Variants in CD300LG observed in about 807,000 individuals in gnomAD.
CD300LG encodes CMRF35-like molecule 9.
CD300LG carries 29 observed loss-of-function variants against 31.5 expected under a neutral mutation model. That is an observed-to-expected ratio of 0.92 (90% CI 0.68 to 1.25). The LOEUF is 1.25. Among genes scored for constraint, CD300LG ranks in the 50% most tolerant of loss-of-function variants. The pLI, the probability that CD300LG is intolerant of heterozygous loss-of-function variation, is 0.00. For synonymous variants in CD300LG, 175 were observed against 177.2 expected (o/e 0.99, Z 0.10); for missense variants, 396 against 417.6 (o/e 0.95, Z 0.45).
rs745681336 is a variant in CD300LG, at chr17:43,855,283, G to A, written c.796G>A (p.Ala266Thr). The part of the protein sequence containing the change: ...LSLLSAAGLI[A>T]FCSHLLLWRK... The stretch of plus-strand genomic sequence containing the variant: ...CCTTCTGTCAGCCGCAGGCCTGATC[G>A]CCTTCTGCAGCCACCTGCTCCTGTG... Residue 266 changes from alanine (A) to threonine (T), a missense_variant, in exon 5 of 7, where the codon GCC (alanine) becomes ACC (threonine). Coordinates refer to ENST00000317310, the MANE Select transcript of CD300LG (RefSeq NM_145273.4). 8 of 1,601,878 alleles carry A rather than the reference G, an allele frequency of 5.0e-6. No homozygotes were observed. The Admixed American group carries it at 1.0e-4, about 20-fold the overall frequency.
At chr17:43,858,586 T>G (rs2046589857) in intron 6 of CD300LG, 1 of 985,222 alleles carries the variant, frequency 1.0e-6, no homozygotes, top group African/African-American at 1.7e-5. Context: ...GGCGGCCCCT[T>G]GTTGAGGGAA....
rs748261377 is a variant in CD300LG, at chr17:43,855,193, C to A, written c.720-14C>A. The A allele has an allele frequency of 3.2e-6, 5 of 1,573,068 alleles. No homozygotes were observed. Among genetic ancestry groups the A allele is most frequent in the Non-Finnish European group, 3.5e-6 (4 of 1,157,370 alleles). ...CTGGTAACAGCCACTAGGCTCCTTG[C>A]GTCTCGTCTCCAGGGTGTCCATCCC... On this transcript the variant is annotated splice_polypyrimidine_tract_variant and intron_variant, in intron 4 of 6. Transcript: ENST00000317310.
chr17:43,850,905 G>A (rs2143309200), intron 2 of CD300LG, among the ~76,000 whole-genome samples: 1 of 152,248 alleles, frequency 6.6e-6, no homozygotes, highest in Non-Finnish European at 1.5e-5. Context: ...GGGAGGTCAA[G>A]GCGGGTGGAT....
chr17:43,857,410 C>G (rs908249481), intron 6 of CD300LG: 7 of 1,536,712 alleles, frequency 4.6e-6, no homozygotes, highest in African/African-American at 1.4e-5. Flanking sequence ...GGGTGGGCTC[C>G]AGGAGCCATG....
intron 1 of CD300LG, among the ~76,000 whole-genome samples, chr17:43,848,169 G>A (rs1446114407): frequency 6.6e-6 from 1 of 152,044 alleles, no homozygotes; most frequent in African/African-American, 2.4e-5. Context: ...CTGAACCCGG[G>A]AGGCAGAAGT....
intron 5 of CD300LG, 30 bp from the exon 6 acceptor site, chr17:43,857,074 A>G: frequency 1.9e-6 from 3 of 1,613,418 alleles, no homozygotes; most frequent in Non-Finnish European, 2.5e-6. Flanking sequence ...TCCTGGCTTC[A>G]AGGGGCTCCT....
At chr17:43,859,823 G>T (rs1247488383) in intron 6 of CD300LG, among the ~76,000 whole-genome samples, 1 of 152,146 alleles carries the variant, frequency 6.6e-6, no homozygotes, top group Non-Finnish European at 1.5e-5. Flanking sequence ...AAGGAATTCT[G>T]CTCTAATTCC....
chr17:43,854,329 G>A (rs888967960), intron 4 of CD300LG, among the ~76,000 whole-genome samples: 5 of 152,238 alleles, frequency 3.3e-5, no homozygotes, highest in African/African-American at 1.2e-4. Flanking sequence ...CAGTTCTGGG[G>A]CTTTTGCCTG....
intron 3 of CD300LG, 74 bp from the exon 4 acceptor site, chr17:43,853,733 C>T (rs1464531078): frequency 7.9e-7 from 1 of 1,261,240 alleles, no homozygotes; most frequent in Non-Finnish European, 1.1e-6. Context: ...GTTCAGGGGT[C>T]CAGGGTCAGA....
rs1009828722 is a variant in CD300LG, at chr17:43,862,006, C to T, written c.*95C>T. 7.1e-6 allele frequency: 6 copies of T among 842,894 alleles called. No homozygotes were observed. Among genetic ancestry groups the T allele is most frequent in the African/African-American group, 3.5e-5 (2 of 57,188 alleles). The allele number at this position is 842,894 out of a possible 1,614,324, so 52.2% of individuals were successfully genotyped here. ...AAGCTTTCCACCTCAGCCTCAGAGT[C>T]CAGCTGCCCGGACTCCAGGGCTCTC... On this transcript the variant is annotated 3_prime_UTR_variant, in exon 7 of 7. Transcript: ENST00000317310.
intron 6 of CD300LG, chr17:43,857,931 A>G (rs2046571956): frequency 6.5e-7 from 1 of 1,534,232 alleles, no homozygotes; most frequent in Non-Finnish European, 8.7e-7. Context: ...TGGAGCTGGG[A>G]ACCTGCCCCA....
chr17:43,857,965 T>C (rs2046572837), intron 6 of CD300LG: 2 of 1,520,246 alleles, frequency 1.3e-6, no homozygotes, highest in African/African-American at 1.4e-5. Flanking sequence ...AAGAAGAGAC[T>C]GTGCCCTCCG....
intron 6 of CD300LG, chr17:43,861,364 C>T (rs759164371): frequency 1.2e-6 from 1 of 808,774 alleles, no homozygotes; most frequent in Non-Finnish European, 1.5e-6. Flanking sequence ...ATCTGCTCCC[C>T]AAACCCCACA....
chr17:43,847,188 G>A lies in CD300LG; in HGVS notation c.-29G>A, dbSNP rs369652830. The stretch of plus-strand genomic sequence containing the variant: ...TGAAGAGGAGCTCACAGTTCCCAGC[G>A]TCTGCTCCCACGGTGTCCAGCGCCC... On this transcript the variant is annotated 5_prime_UTR_variant, in exon 1 of 7. Transcript: ENST00000317310. 1.9e-6 allele frequency: 3 copies of A among 1,612,874 alleles called. No homozygotes were observed. The highest frequency in any genetic ancestry group is 2.5e-6 in the Non-Finnish European group (3 of 1,179,486).
chr17:43,847,400 T>TGGGGGG, intron 1 of CD300LG, 141 bp downstream of exon 1: 8 of 325,832 alleles, frequency 2.5e-5, no homozygotes, highest in Admixed American at 4.9e-5. Flanking sequence ...GGGCTGGGGG[T>TGGGGGG]GGGGGGAGGT....
chr17:43,857,398 C>T, intron 6 of CD300LG: 1 of 1,535,698 alleles, frequency 6.5e-7, no homozygotes, highest in South Asian at 1.2e-5. Context: ...AGGTGCCAGG[C>T]AGGGTGGGCT....
intron 6 of CD300LG, chr17:43,857,394 C>T: frequency 1.3e-6 from 2 of 1,535,456 alleles, no homozygotes; most frequent in Non-Finnish European, 1.7e-6. Flanking sequence ...CGCCAGGTGC[C>T]AGGCAGGGTG....
Position 43,848,871 on chromosome 17 carries a change from G to C in CD300LG, c.357G>C (p.Leu119=). ...AACGGGGCCCCGATGAGTCTTTACT[G>C]ATCTCTCTGTTCGTCTTTCCAGGTA... ...VEKRGPDESL[L]ISLFVFPGPC... is the part of the protein sequence containing the mutation. Residue 119 remains leucine (L), a synonymous_variant, in exon 2 of 7, where the codon CTG becomes CTC. Transcript: ENST00000317310. 1 of 1,611,394 alleles carries C rather than the reference G, an allele frequency of 6.2e-7. No homozygotes were observed. The highest frequency in any genetic ancestry group is 8.5e-7 in the Non-Finnish European group (1 of 1,177,780).
Position 43,852,999 on chromosome 17 carries a change from AG to A in CD300LG, c.468del (p.Gln156HisfsTer5). Reference protein sequence around the residue: ...LQPKAKAQQTQPPGLTSPGLY... With the variant: ...LQPKAKAQQTXPPGLTSPGLY... ...CCCAAGGCAAAAGCTCAGCAAACCC[AG>A]CCCCCAGGATTGAGTGAGTGAATGG... is the stretch of plus-strand genomic sequence containing the variant. On this transcript the variant is annotated frameshift_variant, in exon 3 of 7. Coordinates refer to ENST00000317310, the MANE Select transcript of CD300LG (RefSeq NM_145273.4). LOFTEE classifies it high-confidence loss of function. The A allele has an allele frequency of 1.2e-6, 2 of 1,611,608 alleles. No homozygotes were observed. The highest frequency in any genetic ancestry group is 1.7e-6 in the Non-Finnish European group (2 of 1,178,904).
Sources: allele counts gnomAD v4.1 joint callset (sites outside exome capture counted in the v4.1 genomes callset), GRCh38; gene constraint gnomAD v4.1.1; transcripts MANE v1.5; gene names NCBI Gene and HGNC (gene_info 2026-07-23, HGNC 2026-07-21).